Variants in NTM observed in about 807,000 individuals in gnomAD.
NTM encodes IgLON family member 2.
In NTM, 13 loss-of-function variants were observed where a neutral mutation model predicts 42.1. The observed-to-expected ratio is 0.31, with a 90% CI of 0.20 to 0.49. NTM has a LOEUF of 0.49. NTM is among the 20% of genes least tolerant of loss of function. NTM has a pLI of 0.99. For synonymous variants in NTM, 187 were observed against 179.2 expected (o/e 1.04, Z -0.35); for missense variants, 373 against 452.8 (o/e 0.82, Z 1.60).
chr11:131,631,158 TCC>T (rs2063617169), intron 1 of NTM, among the ~76,000 whole-genome samples: 1 of 152,156 alleles, frequency 6.6e-6, no homozygotes, highest in African/African-American at 2.4e-5. Flanking sequence ...TTGGTTACTC[TCC>T]CTGGCTTTCA....
intron 2 of NTM, among the ~76,000 whole-genome samples, chr11:131,943,805 A>G (rs558171452): frequency 6.6e-6 from 1 of 152,336 alleles, no homozygotes; most frequent in Non-Finnish European, 1.5e-5. Context: ...CAAAATGCAG[A>G]TAATCAAAAG....
At chr11:131,672,777 T>C (rs2070571668) in intron 1 of NTM, among the ~76,000 whole-genome samples, 1 of 151,978 alleles carries the variant, frequency 6.6e-6, no homozygotes, top group African/African-American at 2.4e-5. Flanking sequence ...TGGCCTCTTC[T>C]TTCTGGCCTT....
At chr11:132,326,276 G>C (rs2095681316) in intron 7 of NTM, among the ~76,000 whole-genome samples, 1 of 152,110 alleles carries the variant, frequency 6.6e-6, no homozygotes, top group Non-Finnish European at 1.5e-5. Context: ...GAAGGACCGA[G>C]CTAGTTCTGA....
intron 3 of NTM, among the ~76,000 whole-genome samples, chr11:132,199,755 T>G (rs946246423): frequency 6.6e-6 from 1 of 152,074 alleles, no homozygotes; most frequent in Non-Finnish European, 1.5e-5. Context: ...TTTACTTGTG[T>G]TGCTAATGCA....
At chr11:132,249,572 A>T (rs2091687143) in intron 4 of NTM, among the ~76,000 whole-genome samples, 1 of 152,228 alleles carries the variant, frequency 6.6e-6, no homozygotes, top group Non-Finnish European at 1.5e-5. Context: ...TGGATTTCAA[A>T]TCCTAGGTGT....
chr11:132,217,434 G>A (rs1214079078), intron 4 of NTM, among the ~76,000 whole-genome samples: 1 of 144,484 alleles, frequency 6.9e-6, no homozygotes, highest in East Asian at 2.1e-4. Context: ...TGTTTCTCAG[G>A]TTCTCTCTTT....
intron 1 of NTM, among the ~76,000 whole-genome samples, chr11:131,817,736 T>A (rs1261738529): frequency 6.6e-6 from 1 of 152,242 alleles, no homozygotes; most frequent in Non-Finnish European, 1.5e-5. Context: ...CCTACCTTTC[T>A]GAGCTGACAC....
intron 4 of NTM, among the ~76,000 whole-genome samples, chr11:132,279,341 C>G (rs144329193): frequency 6.6e-6 from 1 of 152,322 alleles, no homozygotes; most frequent in Non-Finnish European, 1.5e-5. Context: ...GACTTGGCCT[C>G]TGCTTCCTCC....
chr11:131,565,308 C>A (rs939988274), intron 1 of NTM, among the ~76,000 whole-genome samples: 3 of 152,226 alleles, frequency 2.0e-5, no homozygotes, highest in Non-Finnish European at 2.9e-5. Context: ...CCATGCTTGT[C>A]TCTCTGCCTG....
intron 1 of NTM, among the ~76,000 whole-genome samples, chr11:131,603,227 G>T (rs764539150): frequency 6.6e-6 from 1 of 152,060 alleles, no homozygotes; most frequent in Admixed American, 6.5e-5. Flanking sequence ...GCTAAACCAC[G>T]TGGGTCCTCT....
At chr11:131,669,680 G>A (rs932305099) in intron 1 of NTM, among the ~76,000 whole-genome samples, 3 of 152,138 alleles carry the variant, frequency 2.0e-5, no homozygotes, top group Non-Finnish European at 4.4e-5. Context: ...CATAGCCTGG[G>A]TTTTTGGCCA....
At chr11:132,143,219 G>T (rs190489178) in intron 2 of NTM, among the ~76,000 whole-genome samples, 155 of 152,258 alleles carry the variant, frequency 1.0e-3, no homozygotes, top group African/African-American at 3.3e-3. Context: ...ACACGTCTAG[G>T]TTAGAGGTTC....
chr11:131,818,379 A>G (rs2093038013), intron 1 of NTM, among the ~76,000 whole-genome samples: 7 of 152,122 alleles, frequency 4.6e-5, no homozygotes. Flanking sequence ...CTAAAATCTC[A>G]ACAGGTGCAA....
At chr11:131,767,109 A>G in intron 1 of NTM, 1 of 978,634 alleles carries the variant, frequency 1.0e-6, no homozygotes, top group Non-Finnish European at 1.2e-6. Flanking sequence ...ACAAGGCAGT[A>G]AGTAAGTCTC....
intron 1 of NTM, among the ~76,000 whole-genome samples, chr11:131,692,190 C>T (rs2074858979): frequency 6.6e-6 from 1 of 151,704 alleles, no homozygotes; most frequent in South Asian, 2.1e-4. Context: ...CTCTGATGCC[C>T]CTAGACCCTG....
intron 3 of NTM, among the ~76,000 whole-genome samples, chr11:132,203,191 AG>A (rs2081412624): frequency 6.6e-6 from 1 of 152,210 alleles, no homozygotes; most frequent in South Asian, 2.1e-4. Flanking sequence ...GCACATCAGC[AG>A]GGCGTGTGGT....
intron 1 of NTM, among the ~76,000 whole-genome samples, chr11:131,728,525 C>A (rs2079229973): frequency 6.6e-6 from 1 of 152,158 alleles, no homozygotes; most frequent in Non-Finnish European, 1.5e-5. Context: ...GCTCTTTGAA[C>A]CTATCTTTTT....
intron 1 of NTM, among the ~76,000 whole-genome samples, chr11:131,391,431 G>A (rs1445945923): frequency 6.6e-6 from 1 of 151,968 alleles, no homozygotes; most frequent in Non-Finnish European, 1.5e-5. Flanking sequence ...TTTATAAATA[G>A]CAAATCTAAA....
Position 132,183,851 on chromosome 11 carries a change from A to G in NTM, c.401-28171A>G, listed in dbSNP as rs527562734. On this transcript the variant is annotated intron_variant, in intron 3 of 8. Transcript: ENST00000683400. ...AAGGCAGTAGCGATTTCTGTTTTAGAATACCTTGCTGGGACATGCACAGTC... is the reference window on the plus strand; with the variant it reads ...AAGGCAGTAGCGATTTCTGTTTTAGGATACCTTGCTGGGACATGCACAGTC... Among the ~76,000 whole-genome samples, 353 of 151,974 alleles carry G rather than the reference A, an allele frequency of 2.3e-3. 3 individuals are homozygous for G. Among genetic ancestry groups the G allele is most frequent in the African/African-American group, 8.1e-3 (336 of 41,520 alleles).
Sources: allele counts gnomAD v4.1 joint callset (sites outside exome capture counted in the v4.1 genomes callset), GRCh38; gene constraint gnomAD v4.1.1; transcripts MANE v1.5; gene names NCBI Gene and HGNC (gene_info 2026-07-23, HGNC 2026-07-21).